The following SLC41A1 variants were observed in gnomAD, a reference collection of about 807,000 sequenced individuals.
The protein encoded by SLC41A1 is solute carrier family 41 (magnesium transporter), member 1.
SLC41A1 carries 20 observed loss-of-function variants against 47.3 expected under a neutral mutation model. That is an observed-to-expected ratio of 0.42 (90% CI 0.30 to 0.61). The LOEUF (loss-of-function observed/expected upper bound fraction) is 0.61. Among genes scored for constraint, SLC41A1 ranks in the 20% least tolerant of loss-of-function variants. The pLI, the probability that SLC41A1 is intolerant of heterozygous loss-of-function variation, is 0.17. For synonymous variants in SLC41A1, 282 were observed against 272.7 expected, an observed-to-expected ratio of 1.03 and a Z score of -0.34; for missense variants, 504 against 674.1, an observed-to-expected ratio of 0.75 and a Z score of 2.79.
Position 205,791,459 on chromosome 1 carries a change from G to A in SLC41A1, c.*74C>T, listed in dbSNP as rs144681498. On this transcript the variant is annotated 3_prime_UTR_variant, in exon 11 of 11. Coordinates refer to ENST00000367137, the MANE Select transcript of SLC41A1 (RefSeq NM_173854.6). The surrounding 1 kb of genome is among the most constrained non-coding windows in gnomAD (Gnocchi z 4.0). ...GAAAGAGGTGGGAGTGTGGGGTGGA[G>A]GAGGGACAGGGGAACAAAAGAAAAA... The A allele has an allele frequency of 9.2e-4, 1,429 of 1,555,766 alleles. 14 individuals are homozygous for A. The African/African-American group carries it at 0.017, about 18-fold the overall frequency.
rs1344282085 is a variant in SLC41A1, at chr1:205,789,417, C to G, written c.*2116G>C. On this transcript the variant is annotated 3_prime_UTR_variant, in exon 11 of 11. Coordinates refer to ENST00000367137, the MANE Select transcript of SLC41A1 (RefSeq NM_173854.6). ...GCAAAGGAGGTCACTCCAGAGTCTT[C>G]TGGGACTGCCTGGCCAAATTCCAGA... 1 of 152,340 alleles carries G rather than the reference C, an allele frequency of 6.6e-6. No homozygotes were observed. Among genetic ancestry groups the G allele is most frequent in the South Asian group, 2.1e-4 (1 of 4,824 alleles). 9.4% of individuals were successfully genotyped at this position (152,340 alleles called of 1,614,324 possible). A position where few individuals can be genotyped will look rare whatever the true frequency, so the allele number is the denominator to read the frequency against.
At chr1:205,795,733 T>A in intron 8 of SLC41A1, 1 of 571,650 alleles carries the variant, frequency 1.7e-6, no homozygotes. Context: ...AGCAGTTCCA[T>A]GTTCCCCTGG....
chr1:205,812,867 C>CG lies in SLC41A1; in HGVS notation c.-707dup. 1.0e-6 allele frequency: 1 copy of CG among 985,142 alleles called. No homozygotes were observed. The highest frequency in any genetic ancestry group is 1.2e-6 in the Non-Finnish European group (1 of 829,810). The allele number at this position is 985,142 out of a possible 1,614,324, so 61.0% of individuals were successfully genotyped here. On this transcript the variant is annotated 5_prime_UTR_variant, in exon 1 of 11. An upstream open reading frame in the 5' UTR loses its in-frame stop. Transcript: ENST00000367137. ...CAAGTGGCAGCGTGGCCCGTGGTCT[C>CG]GGGGGGTGCAGGGCACCCCCTCTTC...
chr1:205,804,503 C>A (rs1200255600), intron 2 of SLC41A1, among the ~76,000 whole-genome samples: 2 of 152,154 alleles, frequency 1.3e-5, no homozygotes, highest in Non-Finnish European at 2.9e-5. Context: ...GGAAGTGAAT[C>A]CCTTCCCACC....
chr1:205,810,366 C>G lies in SLC41A1; in HGVS notation c.76G>C (p.Asp26His). Residue 26 changes from aspartate (D) to histidine (H), a missense_variant, in exon 2 of 11, where the codon GAT (aspartate) becomes CAT (histidine). Around this residue, in one of 2 missense-constraint regions of SLC41A1, gnomAD observed 83 missense variants for 72.5 expected, o/e 1.15. Transcript: ENST00000367137. The surrounding 1 kb of genome is among the most constrained non-coding windows in gnomAD (Gnocchi z 5.5). Reference sequence around the variant, plus strand: ...GCCAAGGGCTCTCTCCCTGGGCCATCTGAAGAGCAGGGAGAGGCAGAAGGG... The same window carrying G: ...GCCAAGGGCTCTCTCCCTGGGCCATGTGAAGAGCAGGGAGAGGCAGAAGGG... ...TGPSASPCSS[D>H]GPGREPLAGT... 2.5e-6 allele frequency: 4 copies of G among 1,614,216 alleles called. No homozygotes were observed. The highest frequency in any genetic ancestry group is 2.2e-5 in the East Asian group (1 of 44,882).
chr1:205,804,076 T>C (rs1655956443), intron 2 of SLC41A1, among the ~76,000 whole-genome samples: 1 of 152,130 alleles, frequency 6.6e-6, no homozygotes, highest in Non-Finnish European at 1.5e-5. Flanking sequence ...ATATACGTAG[T>C]ACTATTGAAC....
chr1:205,794,441 A>G (rs1312340753), intron 10 of SLC41A1, among the ~76,000 whole-genome samples: 1 of 152,202 alleles, frequency 6.6e-6, no homozygotes, highest in Admixed American at 6.5e-5. Context: ...CAGATTATCT[A>G]GTGCAGTGGT....
chr1:205,790,742 A>C lies in SLC41A1; in HGVS notation c.*791T>G, dbSNP rs1304022052. 6.6e-6 allele frequency: 1 copy of C among 152,216 alleles called. No homozygotes were observed. The highest frequency in any genetic ancestry group is 1.9e-4 in the East Asian group (1 of 5,196). 9.4% of individuals were successfully genotyped at this position (152,216 alleles called of 1,614,324 possible). On this transcript the variant is annotated 3_prime_UTR_variant, in exon 11 of 11. Coordinates refer to ENST00000367137, the MANE Select transcript of SLC41A1 (RefSeq NM_173854.6). ...AAAGAATCTGGGCCCAGGGAGACAAAGTCATTTGGGCCCAGGGAGAATGTG... is the reference window on the plus strand; with the variant it reads ...AAAGAATCTGGGCCCAGGGAGACAACGTCATTTGGGCCCAGGGAGAATGTG...
chr1:205,812,735 A>G (rs1342674155), intron 1 of SLC41A1, 73 bp downstream of exon 1: 1 of 986,214 alleles, frequency 1.0e-6, no homozygotes, highest in Non-Finnish European at 1.2e-6. Context: ...ACTCAGATTC[A>G]GCAAATGCGC....
intron 1 of SLC41A1, 44 bp from the exon 2 acceptor site, chr1:205,811,131 T>C (rs956259861): frequency 6.5e-6 from 1 of 153,554 alleles, no homozygotes; most frequent in Admixed American, 6.5e-5. Context: ...CATTACACTA[T>C]AGCAAAGGAC....
chr1:205,808,898 G>A (rs1041465962), intron 2 of SLC41A1, among the ~76,000 whole-genome samples: 5 of 152,202 alleles, frequency 3.3e-5, no homozygotes, highest in Non-Finnish European at 5.9e-5. Context: ...CAGTCTCCCA[G>A]GACACAGGCA....
chr1:205,799,692 T>C, intron 4 of SLC41A1, 67 bp downstream of exon 4: 1 of 1,553,740 alleles, frequency 6.4e-7, no homozygotes, highest in South Asian at 1.1e-5. Context: ...GGGGCTGACC[T>C]AAGCCTTTCA....
At chr1:205,795,120 C>T (rs899125808) in intron 9 of SLC41A1, 102 bp from the exon 10 acceptor site, 2 of 1,507,500 alleles carry the variant, frequency 1.3e-6, no homozygotes, top group South Asian at 2.4e-5. Flanking sequence ...CCCAGGGCAA[C>T]AGACAGATGA....
chr1:205,810,138 C>T lies in SLC41A1; in HGVS notation c.304G>A (p.Val102Ile). The T allele has an allele frequency of 6.2e-7, 1 of 1,614,226 alleles. No individual in the cohort carries two copies. Residue 102 changes from valine (V) to isoleucine (I), a missense_variant, in exon 2 of 11, where the codon GTA becomes ATA. By Grantham distance (29) the Val-to-Ile change is conservative. Coordinates refer to ENST00000367137, the MANE Select transcript of SLC41A1 (RefSeq NM_173854.6). This position sits in a 1 kb window ranked among gnomAD's most constrained non-coding sequence, Gnocchi z 5.5. ...CCTGCCAGGAGGAATGGAAACAGTA[C>T]TTGCAGCCCGATGGAAAAGGAGGTC... ...KETSFSIGLQ[V>I]LFPFLLAGFG...
At chr1:205,802,911 G>A (rs1434995206) in intron 2 of SLC41A1, among the ~76,000 whole-genome samples, 2 of 151,118 alleles carry the variant, frequency 1.3e-5, no homozygotes, top group Non-Finnish European at 3.0e-5. Flanking sequence ...GCTCATGCCT[G>A]TAATCCCAGC....
intron 2 of SLC41A1, among the ~76,000 whole-genome samples, chr1:205,802,292 C>T (rs1297946767): frequency 6.6e-6 from 1 of 152,196 alleles, no homozygotes; most frequent in Admixed American, 6.5e-5. Flanking sequence ...CTCCCCAGTA[C>T]ACCTCCTCAC....
At chr1:205,804,581 T>C (rs2102508284) in intron 2 of SLC41A1, among the ~76,000 whole-genome samples, 1 of 152,208 alleles carries the variant, frequency 6.6e-6, no homozygotes, top group South Asian at 2.1e-4. Flanking sequence ...TGGGGACTGT[T>C]ACTCTTGGAC....
chr1:205,807,648 G>GTTTTTTTTTT (rs1170069554), intron 2 of SLC41A1, among the ~76,000 whole-genome samples: 1 of 100,124 alleles, frequency 1.0e-5, no homozygotes, highest in Non-Finnish European at 2.0e-5. Flanking sequence ...TCCTCGTAGA[G>GTTTTTTTTTT]TCTTTTTTTT....
At chr1:205,794,776 G>T in intron 10 of SLC41A1, 94 bp downstream of exon 10, 1 of 1,518,158 alleles carries the variant, frequency 6.6e-7, no homozygotes, top group Non-Finnish European at 9.0e-7. Context: ...AGAAAGAGGA[G>T]GTTGAGTGTC....
Sources: gnomAD v4.1 joint callset for allele counts (sites outside exome capture counted in the v4.1 genomes callset) on GRCh38, gnomAD v4.1.1 for gene constraint, gnomAD v4.1.1 regional missense constraint, Gnocchi (gnomAD v3.1) non-coding constraint, MANE v1.5 for transcripts, NCBI Gene and HGNC (gene_info 2026-07-23, HGNC 2026-07-21) for gene names.